LMCD1: variants seen among roughly 807,000 people sequenced by gnomAD.
LMCD1 encodes the protein LIM and cysteine rich domains 1.
A neutral mutation model predicts 42.7 loss-of-function variants in LMCD1; 32 were observed. That is an observed-to-expected ratio of 0.75 (90% CI 0.57 to 1.01). LMCD1 has a LOEUF of 1.01. Ranked by LOEUF, LMCD1 falls within the 50% of genes least tolerant of loss-of-function variation. LMCD1 has a pLI of 0.00. For synonymous variants in LMCD1, 178 were observed against 184.9 expected (o/e 0.96, Z 0.30); for missense variants, 458 against 483.1 (o/e 0.95, Z 0.49).
Position 8,561,544 on chromosome 3 carries a change from C to T in LMCD1, c.724-3888C>T, listed in dbSNP as rs112434186. Among the ~76,000 whole-genome samples, 15 of 152,278 alleles carry T rather than the reference C, an allele frequency of 9.9e-5. 1 individual carries two copies. The highest frequency in any genetic ancestry group is 3.9e-4 in the Admixed American group (6 of 15,304). On this transcript the variant is annotated intron_variant, in intron 4 of 5. Transcript: ENST00000157600. ...ACAGTGGCTGGGTTTGGCCATGGGC[C>T]GTAGCTTACTGATGCCGGATCTCAA... is the stretch of plus-strand genomic sequence containing the variant.
In LMCD1 at chr3:8,571,781, C is replaced by G. The variant is rs1172256335; in HGVS notation, c.*4183C>G. 1 of 152,184 alleles carries G rather than the reference C, an allele frequency of 6.6e-6. No individual in the cohort carries two copies. The highest frequency in any genetic ancestry group is 1.5e-5 in the Non-Finnish European group (1 of 68,040). 9.4% of individuals were successfully genotyped at this position (152,184 alleles called of 1,614,324 possible). On this transcript the variant is annotated 3_prime_UTR_variant, in exon 6 of 6. Coordinates refer to ENST00000157600, the MANE Select transcript of LMCD1 (RefSeq NM_014583.4). Reference sequence around the variant, plus strand: ...CAGTAAATAGCCCTGCTGTTGTTTTCTTTTCTTTTGATAGAATGTCAAACT... The same window carrying G: ...CAGTAAATAGCCCTGCTGTTGTTTTGTTTTCTTTTGATAGAATGTCAAACT...
intron 1 of LMCD1, among the ~76,000 whole-genome samples, chr3:8,506,020 T>G (rs531426250): frequency 6.6e-6 from 1 of 152,336 alleles, no homozygotes; most frequent in South Asian, 2.1e-4. Context: ...TAGAGCCTTG[T>G]TTTTTAAAAA....
At chr3:8,529,944 G>A (rs1288563545) in intron 1 of LMCD1, among the ~76,000 whole-genome samples, 2 of 152,148 alleles carry the variant, frequency 1.3e-5, no homozygotes, top group East Asian at 3.9e-4. Context: ...AAGGCAAGTT[G>A]CATTCTTGTT....
At chr3:8,550,771 T>C in intron 4 of LMCD1, 5 of 985,240 alleles carry the variant, frequency 5.1e-6, no homozygotes, top group Non-Finnish European at 6.0e-6. Context: ...CACCCTCAAA[T>C]AGCTGTTTGT....
chr3:8,509,326 T>C (rs145948604), intron 1 of LMCD1, among the ~76,000 whole-genome samples: 48 of 152,272 alleles, frequency 3.2e-4, no homozygotes, highest in African/African-American at 1.1e-3. Context: ...ATAAATATAC[T>C]CAGGCCACAT....
At chr3:8,567,255 C>G (rs530097361) in intron 5 of LMCD1, among the ~76,000 whole-genome samples, 185 bp from the exon 6 acceptor site, 2 of 152,226 alleles carry the variant, frequency 1.3e-5, no homozygotes, top group African/African-American at 4.8e-5. Flanking sequence ...TAAGATGCAA[C>G]CACAACCTTC....
At chr3:8,550,344 C>T (rs746146139) in intron 4 of LMCD1, 23 of 993,284 alleles carry the variant, frequency 2.3e-5, no homozygotes, top group Non-Finnish European at 2.5e-5. Flanking sequence ...TCCCAGCACA[C>T]GAGATCCCCA....
chr3:8,543,934 A>G (rs192674628), intron 3 of LMCD1, among the ~76,000 whole-genome samples: 1 of 152,196 alleles, frequency 6.6e-6, no homozygotes, highest in Non-Finnish European at 1.5e-5. Context: ...GTAATTTCAT[A>G]CTGATCAAGA....
intron 4 of LMCD1, among the ~76,000 whole-genome samples, chr3:8,562,675 T>C (rs1695060340): frequency 6.6e-6 from 1 of 152,212 alleles, no homozygotes; most frequent in South Asian, 2.1e-4. Context: ...GTCCCTGCTA[T>C]CCACCCCCAA....
chr3:8,549,157 A>G (rs1182656429), intron 4 of LMCD1, among the ~76,000 whole-genome samples: 2 of 152,182 alleles, frequency 1.3e-5, no homozygotes, highest in East Asian at 1.9e-4. Flanking sequence ...GAGAAGGGAC[A>G]TCTAAGCCTG....
At chr3:8,537,043 T>C (rs1694518903) in intron 2 of LMCD1, 142 bp from the exon 3 acceptor site, 1 of 889,992 alleles carries the variant, frequency 1.1e-6, no homozygotes, top group Non-Finnish European at 1.7e-6. Flanking sequence ...GGCCTTTTTG[T>C]CTCAGGTTAC....
rs534392168 is a variant in LMCD1, at chr3:8,573,740, A to G, written c.*6142A>G. The G allele has an allele frequency of 1.3e-5, 2 of 152,336 alleles. No homozygotes were observed. Among genetic ancestry groups the G allele is most frequent in the African/African-American group, 4.8e-5 (2 of 41,558 alleles). The allele number at this position is 152,336 out of a possible 1,614,324, so 9.4% of individuals were successfully genotyped here. A position where few individuals can be genotyped will look rare whatever the true frequency, so the allele number is the denominator to read the frequency against. On this transcript the variant is annotated 3_prime_UTR_variant, in exon 6 of 6. Coordinates refer to ENST00000157600, the MANE Select transcript of LMCD1 (RefSeq NM_014583.4). ...ATGGAAACTGCAAGGATCAGCATAA[A>G]GTGTTCCTTTGTTCTGACGTTGGTA...
intron 1 of LMCD1, among the ~76,000 whole-genome samples, chr3:8,524,241 A>G (rs904592206): frequency 7.9e-5 from 12 of 151,570 alleles, no homozygotes; most frequent in African/African-American, 2.7e-4. Context: ...GCAGCTTGCA[A>G]CCATTTGGGT....
chr3:8,531,085 T>G (rs925976565), intron 1 of LMCD1, among the ~76,000 whole-genome samples: 7 of 152,236 alleles, frequency 4.6e-5, no homozygotes, highest in Non-Finnish European at 1.0e-4. Flanking sequence ...AGAGAAGTAT[T>G]GTGAAGGACA....
chr3:8,568,812 C>G lies in LMCD1; in HGVS notation c.*1214C>G, dbSNP rs950357826. ...TGGGAGTATAAGGATGAAAAAGACA[C>G]AAGTCCTAGGAGCTTACGGTCTGGT... On this transcript the variant is annotated 3_prime_UTR_variant, in exon 6 of 6. Coordinates refer to ENST00000157600, the MANE Select transcript of LMCD1 (RefSeq NM_014583.4). 3.3e-5 allele frequency: 5 copies of G among 152,162 alleles called. No homozygotes were observed. The highest frequency in any genetic ancestry group is 1.2e-4 in the African/African-American group (5 of 41,436). 9.4% of individuals were successfully genotyped at this position (152,162 alleles called of 1,614,324 possible).
chr3:8,561,753 G>A (rs527631002), intron 4 of LMCD1, among the ~76,000 whole-genome samples: 3 of 152,174 alleles, frequency 2.0e-5, no homozygotes, highest in Admixed American at 6.5e-5. Flanking sequence ...AACTCTAGAA[G>A]GAGAAATAAC....
Position 8,548,885 on chromosome 3 carries a change from G to C in LMCD1, c.705G>C (p.Pro235=). 6.5e-7 allele frequency: 1 copy of C among 1,530,692 alleles called. No homozygotes were observed. Among genetic ancestry groups the C allele is most frequent in the South Asian group, 1.3e-5 (1 of 76,548 alleles). The allele number at this position is 1,530,692 out of a possible 1,614,324, so 94.8% of individuals were successfully genotyped here. ...AATTNGSLSD[P]SKEVEYVCEL... ...CCACCAACGGCAGTCTCAGTGACCC[G>C]TCCAAAGAAGTGGAATACGTAAGTT... The change falls in exon 4 of 6, where the codon CCG becomes CCC. Residue 235 remains proline (P), a synonymous_variant. Transcript: ENST00000157600.
intron 4 of LMCD1, among the ~76,000 whole-genome samples, chr3:8,558,892 G>A (rs1200736181): frequency 6.6e-6 from 1 of 152,176 alleles, no homozygotes; most frequent in Non-Finnish European, 1.5e-5. Flanking sequence ...CTAGGAACTT[G>A]CAAATTCTTG....
At chr3:8,519,895 C>T (rs1328251773) in intron 1 of LMCD1, among the ~76,000 whole-genome samples, 3 of 151,622 alleles carry the variant, frequency 2.0e-5, no homozygotes, top group Non-Finnish European at 2.9e-5. Context: ...AATCCTTTTC[C>T]ATGTGCACAC....
Sources: gnomAD v4.1 joint callset for allele counts (sites outside exome capture counted in the v4.1 genomes callset) on GRCh38, gnomAD v4.1.1 for gene constraint, MANE v1.5 for transcripts, NCBI Gene and HGNC (gene_info 2026-07-23, HGNC 2026-07-21) for gene names.